Variants in THNSL1 observed in about 807,000 individuals in gnomAD.
THNSL1 encodes the protein threonine synthase-like 1.
In THNSL1, 48 loss-of-function variants were observed where a neutral mutation model predicts 50.4. The observed-to-expected ratio is 0.95, with a 90% CI of 0.76 to 1.21. The LOEUF (loss-of-function observed/expected upper bound fraction) is 1.21. Among genes scored for constraint, THNSL1 ranks in the 50% most tolerant of loss-of-function variants. The pLI, the probability that THNSL1 is intolerant of heterozygous loss-of-function variation, is 0.00. For synonymous variants in THNSL1, 309 were observed against 306.1 expected (o/e 1.01, Z -0.10); for missense variants, 896 against 871.7 (o/e 1.03, Z -0.35).
chr10:24,997,366 AC>A, the THNSL1 span, among the ~76,000 whole-genome samples: 1 of 147,392 alleles, frequency 6.8e-6, no homozygotes, highest in Non-Finnish European at 1.5e-5. Context: ...CTTTTGCAAA[AC>A]CCTGCATTCC....
At chr10:24,965,332 C>T in the THNSL1 span, among the ~76,000 whole-genome samples, 5 of 152,180 alleles carry the variant, frequency 3.3e-5, no homozygotes, top group Non-Finnish European at 5.9e-5. Context: ...GCGTTTCCTC[C>T]TTTTCCTTCT....
At chr10:24,999,612 A>C in the THNSL1 span, 7 of 1,365,594 alleles carry the variant, frequency 5.1e-6, no homozygotes, top group Admixed American at 1.5e-4. Flanking sequence ...AGTTTACTTA[A>C]AGTTTAAATC....
the THNSL1 span, among the ~76,000 whole-genome samples, chr10:24,966,582 A>ATGTGTAAGG: frequency 6.6e-6 from 1 of 152,210 alleles, no homozygotes; most frequent in African/African-American, 2.4e-5. Flanking sequence ...GTCACTCCAC[A>ATGTGTAAGG]TGTGTAAGGA....
At chr10:24,996,259 CA>C in the THNSL1 span, among the ~76,000 whole-genome samples, 3 of 152,096 alleles carry the variant, frequency 2.0e-5, no homozygotes, top group African/African-American at 7.2e-5. Context: ...CCCATCTCTG[CA>C]AAAAATGCAA....
the THNSL1 span, among the ~76,000 whole-genome samples, chr10:25,006,926 A>T: frequency 5.3e-5 from 8 of 152,190 alleles, no homozygotes; most frequent in Non-Finnish European, 1.2e-4. Flanking sequence ...ATCCCATAGG[A>T]TTCTTGTGAA....
chr10:24,981,445 C>T, the THNSL1 span, among the ~76,000 whole-genome samples: 1 of 152,072 alleles, frequency 6.6e-6, no homozygotes, highest in Non-Finnish European at 1.5e-5. Flanking sequence ...TTTTGTGGGC[C>T]ACTGAAGAGA....
At chr10:24,952,569 C>G in the THNSL1 span, 2 of 1,584,002 alleles carry the variant, frequency 1.3e-6, no homozygotes, top group Admixed American at 1.8e-5. This position sits in a 1 kb window ranked among gnomAD's most constrained non-coding sequence, Gnocchi z 5.1. Flanking sequence ...TCGCTGCTCC[C>G]GGCCATGTTT....
At chr10:24,989,246 C>T in the THNSL1 span, among the ~76,000 whole-genome samples, 1 of 152,196 alleles carries the variant, frequency 6.6e-6, no homozygotes, top group African/African-American at 2.4e-5. Context: ...CCAATTCTCA[C>T]TTCCATGTCT....
chr10:24,995,044 T>A, the THNSL1 span, among the ~76,000 whole-genome samples: 1 of 152,150 alleles, frequency 6.6e-6, no homozygotes, highest in South Asian at 2.1e-4. Flanking sequence ...ATTTAAACTA[T>A]AATGTTCACC....
intron 1 of THNSL1, among the ~76,000 whole-genome samples, chr10:25,020,756 AT>A (rs1850704015): frequency 1.3e-5 from 2 of 149,468 alleles, no homozygotes; most frequent in Non-Finnish European, 1.5e-5. Flanking sequence ...AAAAAAAAAA[AT>A]TACTGCTCAT....
chr10:24,963,283 T>C, the THNSL1 span, among the ~76,000 whole-genome samples: 1 of 152,240 alleles, frequency 6.6e-6, no homozygotes, highest in East Asian at 1.9e-4. Context: ...ACCGTGTTAG[T>C]CAAGTCATAT....
At chr10:24,977,187 G>A in the THNSL1 span, among the ~76,000 whole-genome samples, 2 of 152,068 alleles carry the variant, frequency 1.3e-5, no homozygotes, top group Admixed American at 6.5e-5. Context: ...ATCTCTGTAG[G>A]CTGTGACAGA....
the THNSL1 span, chr10:24,999,563 A>C: frequency 1.9e-6 from 3 of 1,589,302 alleles, no homozygotes; most frequent in Admixed American, 5.5e-5. Flanking sequence ...TTGAATTTTA[A>C]AAGTTGTAGC....
At chr10:24,965,161 C>G in the THNSL1 span, among the ~76,000 whole-genome samples, 14 of 152,240 alleles carry the variant, frequency 9.2e-5, no homozygotes, top group Non-Finnish European at 1.6e-4. Flanking sequence ...ACCCTGAAAT[C>G]TACCATGTCC....
the THNSL1 span, among the ~76,000 whole-genome samples, chr10:24,964,681 TGACTATCCACA>T: frequency 6.6e-6 from 1 of 152,248 alleles, no homozygotes; most frequent in Non-Finnish European, 1.5e-5. Flanking sequence ...AATGTACTTA[TGACTATCCACA>T]GTAATGATAT....
the THNSL1 span, among the ~76,000 whole-genome samples, chr10:24,964,192 G>C: frequency 6.6e-6 from 1 of 152,232 alleles, no homozygotes; most frequent in Non-Finnish European, 1.5e-5. Flanking sequence ...TGGGGGTAGA[G>C]GGTGATAGCC....
chr10:24,952,412 G>A, the THNSL1 span: 57 of 1,226,468 alleles, frequency 4.6e-5, 1 homozygote, highest in South Asian at 7.5e-4. This position sits in a 1 kb window ranked among gnomAD's most constrained non-coding sequence, Gnocchi z 5.1. Flanking sequence ...CCGGGAGGGA[G>A]AACAAAGCGG....
chr10:25,024,934 A>T lies in THNSL1; in HGVS notation c.1711A>T (p.Asn571Tyr). 1 of 1,614,000 alleles carries T rather than the reference A, an allele frequency of 6.2e-7. No homozygotes were observed. The highest frequency in any genetic ancestry group is 8.5e-7 in the Non-Finnish European group (1 of 1,180,016). Residue 571 changes from asparagine to tyrosine, a missense_variant, in exon 3 of 3, where the codon AAC becomes TAC. Physicochemically the swap from Asn to Tyr is moderately radical, Grantham distance 143 (BLOSUM62 -2). Transcript: ENST00000376356. ...GTCAATAGATATTCTCAAATCTTCA[A>T]ACCTAGAACGACATTTACACTTGAT... ...SPSIDILKSSNLERHLHLMAN... is the reference protein window; with the variant it reads ...SPSIDILKSSYLERHLHLMAN...
chr10:25,006,749 A>C, the THNSL1 span, among the ~76,000 whole-genome samples: 3 of 152,204 alleles, frequency 2.0e-5, no homozygotes, highest in African/African-American at 7.2e-5. Context: ...TGAAGCAAAA[A>C]GGACTCAGTT....
Sources: gnomAD v4.1 joint callset for allele counts (sites outside exome capture counted in the v4.1 genomes callset) on GRCh38, gnomAD v4.1.1 for gene constraint, Gnocchi (gnomAD v3.1) non-coding constraint, MANE v1.5 for transcripts, NCBI Gene and HGNC (gene_info 2026-07-23, HGNC 2026-07-21) for gene names.